The following ASAH1 variants were observed in gnomAD, a reference collection of about 807,000 sequenced individuals.
ASAH1 encodes the protein acid ceramidase.
ASAH1 carries 70 observed loss-of-function variants against 59.5 expected under a neutral mutation model. The ratio of observed to expected loss-of-function variants is 1.18; its 90% CI spans 0.97 to 1.43. The LOEUF (loss-of-function observed/expected upper bound fraction) is 1.43, where lower values mean the gene tolerates loss of function less well. ASAH1 is among the 40% of genes most tolerant of loss of function. The pLI, the probability that ASAH1 is intolerant of heterozygous loss-of-function variation, is 0.00. For missense variants in ASAH1, 660 were observed against 482.5 expected (o/e 1.37, Z -3.45); for synonymous variants, 213 against 166.5 (o/e 1.28, Z -2.15).
intron 3 of ASAH1, among the ~76,000 whole-genome samples, chr8:18,070,901 A>T (rs1800142458): frequency 1.3e-5 from 2 of 152,170 alleles, no homozygotes; most frequent in South Asian, 4.1e-4. Context: ...TTGGGGGGAA[A>T]ATAAATAAAT....
chr8:18,084,883 T>C, upstream of ASAH1: 1 of 1,570,138 alleles, frequency 6.4e-7, no homozygotes. Flanking sequence ...CGGACGCGAG[T>C]AGCTCGGCAG....
intron 12 of ASAH1, 184 bp from the exon 13 acceptor site, chr8:18,059,075 T>C: frequency 1.6e-6 from 1 of 617,492 alleles, no homozygotes; most frequent in African/African-American, 2.2e-5. Context: ...ATTACTTTCC[T>C]CTCTCTCCTT....
intron 7 of ASAH1, 81 bp downstream of exon 7, chr8:18,063,104 G>T: frequency 7.4e-7 from 1 of 1,343,428 alleles, no homozygotes; most frequent in South Asian, 1.2e-5. Flanking sequence ...TCCTGACCTC[G>T]TGATCCACCC....
At chr8:18,072,108 T>G (rs1056367430) in intron 2 of ASAH1, among the ~76,000 whole-genome samples, 1 of 152,240 alleles carries the variant, frequency 6.6e-6, no homozygotes, top group Non-Finnish European at 1.5e-5. Flanking sequence ...GTGGATGAAT[T>G]CTACAACTAT....
At chr8:18,059,742 T>C in intron 10 of ASAH1, 39 bp from the exon 11 acceptor site, 5 of 1,542,606 alleles carry the variant, frequency 3.2e-6, no homozygotes, top group African/African-American at 1.4e-5. Flanking sequence ...GAAACTTTTT[T>C]TTAATTTTAG....
At chr8:18,076,737 A>G (rs1230995306) in intron 1 of ASAH1, 1 of 152,240 alleles carries the variant, frequency 6.6e-6, no homozygotes, top group Non-Finnish European at 1.5e-5. Flanking sequence ...GCTTGAGCTC[A>G]GAAAACTCCT....
In ASAH1 at chr8:18,067,272, G is replaced by T. The variant is rs1208571426; in HGVS notation, c.330C>A (p.Gly110=). 6.2e-7 allele frequency: 1 copy of T among 1,601,478 alleles called. No homozygotes were observed. The highest frequency in any genetic ancestry group is 1.7e-5 in the Admixed American group (1 of 59,412). The change falls in exon 5 of 14, where the codon GGC becomes GGA. Residue 110 remains glycine (G), a synonymous_variant. Transcript: ENST00000637790. ...TACCCTTCATTTCCTCTTCAAAAGG[G>T]CCAGGAAAGTTGCCAAGTAGGCCAG... ...KLPGLLGNFP[G]PFEEEMKGIA...
At chr8:18,084,616 T>C (rs1232591109), upstream of ASAH1, 11 of 1,606,626 alleles carry the variant, frequency 6.8e-6, no homozygotes, top group Admixed American at 1.7e-5. Flanking sequence ...AGCAGTTGAG[T>C]GGCCGAGGAG....
intron 10 of ASAH1, chr8:18,060,945 G>T (rs10087428): frequency 0.48 from 81,775 of 170,834 alleles, 22,394 homozygotes; most frequent in Non-Finnish European, 0.63. Context: ...TAGAGACGGG[G>T]TTTCGCCATG....
intron 1 of ASAH1, among the ~76,000 whole-genome samples, chr8:18,081,335 C>A (rs1157270412): frequency 6.6e-6 from 1 of 152,156 alleles, no homozygotes; most frequent in Non-Finnish European, 1.5e-5. Context: ...ACCCTGTTTT[C>A]TTTTCTGGAC....
At chr8:18,075,356 T>C (rs1001321879) in intron 2 of ASAH1, 185 bp downstream of exon 2, 3 of 726,044 alleles carry the variant, frequency 4.1e-6, no homozygotes, top group Non-Finnish European at 7.5e-6. Flanking sequence ...CGGAAGATAT[T>C]TTCATATTTG....
At chr8:18,061,845 A>C (rs943751250) in intron 8 of ASAH1, 105 bp from the exon 9 acceptor site, 1 of 1,045,802 alleles carries the variant, frequency 9.6e-7, no homozygotes, top group Admixed American at 2.0e-5. Flanking sequence ...AGCTTGGGTA[A>C]TGGGGAAGGC....
chr8:18,067,045 G>A (rs1799955660), intron 5 of ASAH1, 175 bp downstream of exon 5: 1 of 354,478 alleles, frequency 2.8e-6, no homozygotes, highest in East Asian at 3.6e-5. Flanking sequence ...CTGAGTCATG[G>A]CTACATGCAT....
chr8:18,083,894 T>C (rs1202042223), intron 1 of ASAH1, 87 bp downstream of exon 1: 3 of 1,538,466 alleles, frequency 1.9e-6, no homozygotes, highest in African/African-American at 1.4e-5. Context: ...AGGTGTTCCT[T>C]GTACCCGCTC....
At position 18,056,166 on chromosome 8, in the gene ASAH1, A is replaced by G. The variant is rs545802461; in HGVS notation, c.*1368T>C. 1.8e-4 allele frequency: 28 copies of G among 152,320 alleles called. No homozygotes were observed. The South Asian group carries it at 4.1e-3, about 23-fold the overall frequency. 9.4% of individuals were successfully genotyped at this position (152,320 alleles called of 1,614,324 possible). ...TCCTCTTATAATTCCTCGTTTCACTAAAGTAATCTTGGAATCACTAAAGTT... is the reference window on the plus strand; with the variant it reads ...TCCTCTTATAATTCCTCGTTTCACTGAAGTAATCTTGGAATCACTAAAGTT... On this transcript the variant is annotated 3_prime_UTR_variant, in exon 14 of 14. Coordinates refer to ENST00000637790, the MANE Select transcript of ASAH1 (RefSeq NM_177924.5).
chr8:18,084,847 G>C, upstream of ASAH1: 1 of 1,606,860 alleles, frequency 6.2e-7, no homozygotes. Context: ...TCAGGTGGGC[G>C]GAGCAGAGCT....
rs778555809 is a variant in ASAH1, at chr8:18,059,703, A to C, written c.786T>G (p.Ser262Arg). 1.8e-5 allele frequency: 29 copies of C among 1,612,410 alleles called. No homozygotes were observed. The highest frequency in any genetic ancestry group is 8.4e-5 in the Admixed American group (5 of 59,812). ...LTRTVLENST[S>R]YEEAKNLLTK... ...TCAATAAATTCTTGGCTTCTTCATA[A>C]CTATATAGAAACATTTAAAAAGAAA... Residue 262 changes from serine (S) to arginine (R), a missense_variant and splice_region_variant, in exon 11 of 14, where the codon AGT (serine) becomes AGG (arginine). Ser to Arg is a moderately radical substitution (Grantham distance 110). Transcript: ENST00000637790.
chr8:18,066,732 C>G (rs1222825812), intron 5 of ASAH1: 1 of 156,152 alleles, frequency 6.4e-6, no homozygotes, highest in Non-Finnish European at 1.4e-5. Flanking sequence ...AGGTATATAT[C>G]CAGAAAATGA....
At position 18,071,704 on chromosome 8, in the gene ASAH1, AT is replaced by A. The variant is rs11463653; in HGVS notation, c.126-315del. Among the ~76,000 whole-genome samples the A allele has an allele frequency of 5.4e-4, 81 of 150,462 alleles. No individual in the cohort carries two copies. In the East Asian group the frequency reaches 9.2e-3, roughly 17 times the overall value. On this transcript the variant is annotated intron_variant, in intron 2 of 13. Coordinates refer to ENST00000637790, the MANE Select transcript of ASAH1 (RefSeq NM_177924.5). ...TTATCACTGACGGGAAATACCTGCC[AT>A]TTTTTTTTTCTCCTAAATATCTGCA...
Sources: gnomAD v4.1 joint callset for allele counts (sites outside exome capture counted in the v4.1 genomes callset) on GRCh38, gnomAD v4.1.1 for gene constraint, MANE v1.5 for transcripts, NCBI Gene and HGNC (gene_info 2026-07-23, HGNC 2026-07-21) for gene names.